The following FRMD4B variants were observed in gnomAD, a reference collection of about 807,000 sequenced individuals.
FRMD4B encodes FERM domain containing 4B, also known as FERM domain-containing protein 4B.
In FRMD4B, 74 loss-of-function variants were observed where a neutral mutation model predicts 141.5. The observed-to-expected ratio is 0.52, with a 90% confidence interval of 0.43 to 0.63. FRMD4B has a LOEUF of 0.63. Ranked by LOEUF, FRMD4B falls within the 30% of genes least tolerant of loss-of-function variation. The pLI is 0.00. For missense variants in FRMD4B, 1,366 were observed against 1,253.4 expected, an observed-to-expected ratio of 1.09 and a Z score of -1.36; for synonymous variants, 506 against 467.9, an observed-to-expected ratio of 1.08 and a Z score of -1.05.
At chr3:69,529,628 T>G (rs1270263647) in intron 1 of FRMD4B, among the ~76,000 whole-genome samples, 2 of 152,162 alleles carry the variant, frequency 1.3e-5, no homozygotes, top group Non-Finnish European at 2.9e-5. Flanking sequence ...CAAAGGAAGT[T>G]TCCCTTCCTT....
At chr3:69,274,950 T>C (rs895186863) in intron 5 of FRMD4B, among the ~76,000 whole-genome samples, 1 of 152,206 alleles carries the variant, frequency 6.6e-6, no homozygotes, top group Non-Finnish European at 1.5e-5. Context: ...TTATATTTAA[T>C]GAAATTAAAA....
chr3:69,515,124 C>G (rs1700730778), intron 1 of FRMD4B, among the ~76,000 whole-genome samples: 1 of 152,246 alleles, frequency 6.6e-6, no homozygotes, highest in South Asian at 2.1e-4. Flanking sequence ...AGGTGTCTTA[C>G]ATGGCAGGAA....
chr3:69,413,595 T>C (rs1003681459), intron 2 of FRMD4B, among the ~76,000 whole-genome samples: 2 of 152,228 alleles, frequency 1.3e-5, no homozygotes, highest in Non-Finnish European at 2.9e-5. Flanking sequence ...TCAAATGTCA[T>C]TAAATCCTAG....
chr3:69,457,411 G>A (rs1201348658), intron 1 of FRMD4B, among the ~76,000 whole-genome samples: 3 of 152,216 alleles, frequency 2.0e-5, no homozygotes, highest in South Asian at 4.1e-4. Context: ...AAGAAAGAGA[G>A]AAAATAAGTG....
rs535001928 is a variant in FRMD4B, at chr3:69,460,236, C to G, written c.-128-27475G>C. Among the ~76,000 whole-genome samples the G allele has an allele frequency of 1.1e-3, 172 of 152,294 alleles. 1 individual carries two copies. The highest frequency in any genetic ancestry group is 2.1e-3 in the Non-Finnish European group (145 of 68,008). ...GCGTGAAAGTTACGATGCCAGATGACAAGCCAATTCACTGCATTATTCATC... is the reference window on the plus strand; with the variant it reads ...GCGTGAAAGTTACGATGCCAGATGAGAAGCCAATTCACTGCATTATTCATC... On this transcript the variant is annotated intron_variant, in intron 1 of 5. Transcript: ENST00000459638.
chr3:69,356,157 A>C (rs960893027), intron 1 of FRMD4B, among the ~76,000 whole-genome samples: 1 of 152,128 alleles, frequency 6.6e-6, no homozygotes, highest in Non-Finnish European at 1.5e-5. Flanking sequence ...AGACTGACCA[A>C]TAAAATCACT....
At chr3:69,263,817 CTTTT>C (rs3032130) in intron 5 of FRMD4B, among the ~76,000 whole-genome samples, 12 of 68,554 alleles carry the variant, frequency 1.8e-4, no homozygotes, top group Middle Eastern at 0.02. Flanking sequence ...AACCCCATTC[CTTTT>C]TTTTTTTTTT....
chr3:69,242,695 G>GAAAA (rs534090647), intron 7 of FRMD4B, among the ~76,000 whole-genome samples: 2,553 of 124,624 alleles, frequency 0.02, 76 homozygotes, highest in African/African-American at 0.071. Flanking sequence ...AAAATCTTAG[G>GAAAA]AAAAAAAAAA....
chr3:69,454,345 G>C (rs1705550860), intron 1 of FRMD4B, among the ~76,000 whole-genome samples: 1 of 152,228 alleles, frequency 6.6e-6, no homozygotes, highest in Admixed American at 6.5e-5. Context: ...CGCACTTGAG[G>C]AGCACTTCAG....
Position 69,171,518 on chromosome 3 carries a change from C to A in FRMD4B, c.*343G>T. ...ATTGCCATGGGACATCCTGAATGCC[C>A]TTTCATGTTTTTGAGGTTTGCCTTT... On this transcript the variant is annotated 3_prime_UTR_variant, in exon 23 of 23. Transcript: ENST00000398540. 1 of 188,024 alleles carries A rather than the reference C, an allele frequency of 5.3e-6. No individual in the cohort carries two copies. Among genetic ancestry groups the A allele is most frequent in the Non-Finnish European group, 1.1e-5 (1 of 91,446 alleles). The allele number at this position is 188,024 out of a possible 1,614,324, so 11.6% of individuals were successfully genotyped here. A position where few individuals can be genotyped will look rare whatever the true frequency, so the allele number is the denominator to read the frequency against.
intron 1 of FRMD4B, among the ~76,000 whole-genome samples, chr3:69,525,692 C>T (rs1700921169): frequency 1.3e-5 from 2 of 152,086 alleles, no homozygotes; most frequent in South Asian, 4.2e-4. Flanking sequence ...CATTCTTTCA[C>T]CCAGTCTGGA....
intron 1 of FRMD4B, among the ~76,000 whole-genome samples, chr3:69,331,421 G>C (rs1035891736): frequency 6.6e-6 from 1 of 152,194 alleles, no homozygotes; most frequent in Non-Finnish European, 1.5e-5. Flanking sequence ...ACTAGCTGGT[G>C]ACTTTAGGCA....
At chr3:69,301,378 T>A (rs1449374807) in intron 4 of FRMD4B, among the ~76,000 whole-genome samples, 1 of 152,102 alleles carries the variant, frequency 6.6e-6, no homozygotes, top group Non-Finnish European at 1.5e-5. Flanking sequence ...CAGGCTGGAG[T>A]GCAGTGGTAC....
At chr3:69,536,549 G>T (rs1701088754) in intron 1 of FRMD4B, 2 of 704,148 alleles carry the variant, frequency 2.8e-6, no homozygotes, top group Admixed American at 4.1e-5. Context: ...GGGAATAGGG[G>T]GGATGGTGAG....
At chr3:69,464,409 G>A (rs1705751318) in intron 1 of FRMD4B, among the ~76,000 whole-genome samples, 1 of 152,134 alleles carries the variant, frequency 6.6e-6, no homozygotes, top group South Asian at 2.1e-4. Context: ...ACTGTCTGCA[G>A]GCCAGAAAGT....
chr3:69,355,009 T>C (rs909192767), intron 1 of FRMD4B, among the ~76,000 whole-genome samples: 1 of 141,204 alleles, frequency 7.1e-6, no homozygotes, highest in African/African-American at 2.9e-5. Flanking sequence ...CATATACTTG[T>C]AGGATAAATG....
At chr3:69,183,907 T>A (rs577385370) in intron 19 of FRMD4B, among the ~76,000 whole-genome samples, 2 of 151,480 alleles carry the variant, frequency 1.3e-5, no homozygotes. Flanking sequence ...GTCTATAATC[T>A]TTTTTTTAGA....
intron 1 of FRMD4B, among the ~76,000 whole-genome samples, chr3:69,530,219 C>T (rs1700991796): frequency 6.6e-6 from 1 of 152,210 alleles, no homozygotes; most frequent in Non-Finnish European, 1.5e-5. Flanking sequence ...GGTTGTTTGT[C>T]CCCACCAAAT....
chr3:69,184,239 C>T (rs1253428035), intron 19 of FRMD4B, among the ~76,000 whole-genome samples: 3 of 152,104 alleles, frequency 2.0e-5, no homozygotes, highest in African/African-American at 4.8e-5. Context: ...AGTCAGGCAA[C>T]ATTAAATGTT....
Sources: allele counts gnomAD v4.1 joint callset (sites outside exome capture counted in the v4.1 genomes callset), GRCh38; gene constraint gnomAD v4.1.1; transcripts MANE v1.5; gene names NCBI Gene and HGNC (gene_info 2026-07-23, HGNC 2026-07-21).